The following PIP5K1B variants were observed in gnomAD, a reference collection of about 807,000 sequenced individuals.
PIP5K1B encodes the protein phosphatidylinositol-4-phosphate 5-kinase type 1 beta.
PIP5K1B carries 42 observed loss-of-function variants against 67.0 expected under a neutral mutation model. The observed-to-expected ratio is 0.63, with a 90% CI of 0.49 to 0.81. PIP5K1B has a LOEUF of 0.81. Among genes scored for constraint, PIP5K1B ranks in the 30% least tolerant of loss-of-function variants. The probability of loss-of-function intolerance (pLI) is 0.00; values close to 1 mark genes in which losing one functional copy is unlikely to be tolerated. For synonymous variants in PIP5K1B, 214 were observed against 231.4 expected (o/e 0.92, Z 0.68); for missense variants, 459 against 646.3 (o/e 0.71, Z 3.14).
At chr9:68,951,024 T>C (rs1315525694) in intron 14 of PIP5K1B, among the ~76,000 whole-genome samples, 1 of 152,116 alleles carries the variant, frequency 6.6e-6, no homozygotes, top group Non-Finnish European at 1.5e-5. Context: ...TTCATGATAG[T>C]TATGGGTGCA....
chr9:68,950,415 C>T (rs1246901507), intron 14 of PIP5K1B, among the ~76,000 whole-genome samples: 1 of 152,162 alleles, frequency 6.6e-6, no homozygotes, highest in Non-Finnish European at 1.5e-5. Context: ...CCTAGAGAGC[C>T]CCTGGCCAGC....
chr9:68,717,838 G>A (rs1332757739), intron 1 of PIP5K1B, among the ~76,000 whole-genome samples: 1 of 152,118 alleles, frequency 6.6e-6, no homozygotes, highest in Non-Finnish European at 1.5e-5. Context: ...ACATATAACA[G>A]AAATAAAGGT....
chr9:68,725,129 A>G (rs915854755), intron 1 of PIP5K1B, among the ~76,000 whole-genome samples: 5 of 152,192 alleles, frequency 3.3e-5, no homozygotes, highest in African/African-American at 9.7e-5. Flanking sequence ...TACACCTACT[A>G]TAGCTTCTCC....
At chr9:68,925,598 A>ATT (rs1020749328) in intron 12 of PIP5K1B, among the ~76,000 whole-genome samples, 24 of 151,994 alleles carry the variant, frequency 1.6e-4, no homozygotes, top group Non-Finnish European at 1.3e-4. Context: ...TATTAAAGAT[A>ATT]TTAACCCCTT....
intron 4 of PIP5K1B, among the ~76,000 whole-genome samples, chr9:68,842,104 A>G (rs567789795): frequency 1.3e-5 from 2 of 152,334 alleles, no homozygotes; most frequent in East Asian, 3.9e-4. Context: ...AGATGCCTTC[A>G]TGTTGGTTTC....
At chr9:68,930,795 G>A (rs1478363942) in intron 12 of PIP5K1B, among the ~76,000 whole-genome samples, 2 of 151,708 alleles carry the variant, frequency 1.3e-5, no homozygotes, top group African/African-American at 2.4e-5. Flanking sequence ...GGAAATAAAC[G>A]TCCATGGATT....
intron 12 of PIP5K1B, among the ~76,000 whole-genome samples, chr9:68,926,255 G>T (rs1826694443): frequency 6.6e-6 from 1 of 152,072 alleles, no homozygotes; most frequent in African/African-American, 2.4e-5. Flanking sequence ...CCCATCTTGG[G>T]AGGTTTTTCT....
At chr9:69,001,007 C>T (rs548551579) in intron 15 of PIP5K1B, among the ~76,000 whole-genome samples, 9 of 151,908 alleles carry the variant, frequency 5.9e-5, no homozygotes, top group South Asian at 4.2e-4. Flanking sequence ...AAGTGATTCT[C>T]GTGCCTCAGT....
chr9:68,909,839 CTCAT>C (rs1466185432), intron 8 of PIP5K1B, among the ~76,000 whole-genome samples: 2 of 152,200 alleles, frequency 1.3e-5, no homozygotes, highest in African/African-American at 4.8e-5. Flanking sequence ...ACTGATTAGA[CTCAT>C]TCATTCATCA....
At chr9:68,871,794 C>T (rs1279408814) in intron 5 of PIP5K1B, among the ~76,000 whole-genome samples, 2 of 152,026 alleles carry the variant, frequency 1.3e-5, no homozygotes, top group Non-Finnish European at 2.9e-5. Context: ...CTTTTGTTGT[C>T]GAAATTTTAC....
intron 8 of PIP5K1B, among the ~76,000 whole-genome samples, chr9:68,901,626 T>C (rs17058792): frequency 0.14 from 22,021 of 152,256 alleles, 1,606 homozygotes; most frequent in Middle Eastern, 0.17. Flanking sequence ...ATTTGCTCCA[T>C]TGTCTTAAAA....
At chr9:68,847,008 C>G (rs1318313870) in intron 4 of PIP5K1B, among the ~76,000 whole-genome samples, 4 of 152,196 alleles carry the variant, frequency 2.6e-5, no homozygotes, top group African/African-American at 9.6e-5. Context: ...CCAGTGATCC[C>G]TACCCCAATA....
At chr9:68,721,350 G>A (rs1422985554) in intron 1 of PIP5K1B, among the ~76,000 whole-genome samples, 1 of 152,170 alleles carries the variant, frequency 6.6e-6, no homozygotes, top group Non-Finnish European at 1.5e-5. Flanking sequence ...GGAAGAGTGA[G>A]TAGATTTGAT....
rs200947969 is a variant in PIP5K1B at position 68,951,951 on chromosome 9, G to A, written c.1502+11161G>A. On this transcript the variant is annotated intron_variant, in intron 14 of 15. Coordinates refer to ENST00000265382, the MANE Select transcript of PIP5K1B (RefSeq NM_003558.4). ...TGGGTGTAGGCATTAGCTAATAACTGCCCACTATAGAAGACGAAGATTTAG... is the reference window on the plus strand; with the variant it reads ...TGGGTGTAGGCATTAGCTAATAACTACCCACTATAGAAGACGAAGATTTAG... 5.3e-5 allele frequency among the ~76,000 whole-genome samples: 8 copies of A among 152,186 alleles called. 1 individual carries two copies. The East Asian group carries it at 1.4e-3, about 26-fold the overall frequency.
At chr9:68,888,900 G>A in intron 6 of PIP5K1B, 81 bp from the exon 7 acceptor site, 1 of 932,876 alleles carries the variant, frequency 1.1e-6, no homozygotes. Context: ...TAGCTAAGAT[G>A]TGCAATGCTA....
chr9:68,761,929 C>T (rs979121513), intron 2 of PIP5K1B, among the ~76,000 whole-genome samples: 11 of 152,078 alleles, frequency 7.2e-5, no homozygotes, highest in African/African-American at 9.7e-5. Flanking sequence ...TTCTGCCTAT[C>T]GCATTGCCAT....
chr9:68,904,367 CAATCCTA>C (rs1159202378), intron 8 of PIP5K1B, among the ~76,000 whole-genome samples: 1 of 152,200 alleles, frequency 6.6e-6, no homozygotes, highest in Non-Finnish European at 1.5e-5. Context: ...GGAAAGGGCT[CAATCCTA>C]GTGGAGAGCT....
At chr9:68,847,206 CT>C (rs1226012207) in intron 4 of PIP5K1B, among the ~76,000 whole-genome samples, 1 of 151,724 alleles carries the variant, frequency 6.6e-6, no homozygotes, top group African/African-American at 2.4e-5. Flanking sequence ...TAAATACATT[CT>C]TCTTTTTAAA....
intron 2 of PIP5K1B, among the ~76,000 whole-genome samples, chr9:68,766,702 T>G (rs1037441721): frequency 3.9e-5 from 6 of 152,206 alleles, no homozygotes; most frequent in African/African-American, 7.2e-5. Flanking sequence ...CAACTATTTT[T>G]TTCTATGTGT....
Sources: allele counts gnomAD v4.1 joint callset (sites outside exome capture counted in the v4.1 genomes callset), GRCh38; gene constraint gnomAD v4.1.1; transcripts MANE v1.5; gene names NCBI Gene and HGNC (gene_info 2026-07-23, HGNC 2026-07-21).